DAPK1: variants seen among roughly 807,000 people sequenced by gnomAD.
The protein encoded by DAPK1 is death associated protein kinase 1, also known as death-associated protein kinase 1.
In DAPK1, 56 loss-of-function variants were observed where a neutral mutation model predicts 144.9. The observed-to-expected ratio is 0.39, with a 90% confidence interval of 0.31 to 0.48. DAPK1 has a LOEUF of 0.48. Ranked by LOEUF, DAPK1 falls within the 20% of genes least tolerant of loss-of-function variation. DAPK1 has a pLI of 0.95. For missense variants in DAPK1, 1,454 were observed against 1,875.4 expected (o/e 0.78, Z 4.15); for synonymous variants, 690 against 749.0 (o/e 0.92, Z 1.29).
chr9:87,606,541 C>CCTCCCTCT (rs1390689653), intron 3 of DAPK1, among the ~76,000 whole-genome samples: 7 of 111,044 alleles, frequency 6.3e-5, no homozygotes, highest in Admixed American at 6.0e-4. Context: ...TTCCCCCCTC[C>CCTCCCTCT]CTCCCTCTCT....
chr9:87,543,692 T>C (rs1376855191), intron 2 of DAPK1, among the ~76,000 whole-genome samples: 1 of 152,240 alleles, frequency 6.6e-6, no homozygotes, highest in Non-Finnish European at 1.5e-5. Context: ...AAGACTCACT[T>C]TTTAAATATC....
At position 87,520,751 on chromosome 9, in the gene DAPK1, T is replaced by G. The variant is rs36229593; in HGVS notation, c.62+21612T>G. ...TCAATGCACTGGTGAATTGAAATGTTTGTGTGTGTATACATACATACCTGT... is the reference window on the plus strand; with the variant it reads ...TCAATGCACTGGTGAATTGAAATGTGTGTGTGTGTATACATACATACCTGT... On this transcript the variant is annotated intron_variant, in intron 2 of 25. Coordinates refer to ENST00000408954, the MANE Select transcript of DAPK1 (RefSeq NM_004938.4). Among the ~76,000 whole-genome samples, 816 of 152,322 alleles carry G rather than the reference T, an allele frequency of 5.4e-3. 11 individuals carry two copies. Among genetic ancestry groups the G allele is most frequent in the African/African-American group, 0.019 (778 of 41,580 alleles).
At chr9:87,649,411 A>G (rs3118873) in intron 15 of DAPK1, among the ~76,000 whole-genome samples, 58,489 of 152,094 alleles carry the variant, frequency 0.38, 13,002 homozygotes, top group East Asian at 0.61. Flanking sequence ...CTTCTTGCCA[A>G]AGCAACAATA....
chr9:87,697,120 G>A lies in DAPK1; in HGVS notation c.2527G>A (p.Glu843Lys), dbSNP rs770574302. 6.4e-7 allele frequency: 1 copy of A among 1,565,628 alleles called. No individual in the cohort carries two copies. Among genetic ancestry groups the A allele is most frequent in the African/African-American group, 1.4e-5 (1 of 74,032 alleles). Residue 843 changes from glutamate (E) to lysine (K), a missense_variant, in exon 22 of 26, where the codon GAA (glutamate) becomes AAA (lysine). Physicochemically the swap from Glu to Lys is moderately conservative, Grantham distance 56 (BLOSUM62 1). Transcript: ENST00000408954. Reference sequence around the variant, plus strand: ...AATCCATGTTGTTGTCTTTAGTCTAGAAGAGCCCTATGAGATCCAGCTGAA... The same window carrying A: ...AATCCATGTTGTTGTCTTTAGTCTAAAAGAGCCCTATGAGATCCAGCTGAA... ...TSIHVVVFSLEEPYEIQLNQV... is the reference protein window; with the variant it reads ...TSIHVVVFSLKEPYEIQLNQV...
intron 3 of DAPK1, among the ~76,000 whole-genome samples, chr9:87,635,690 A>G (rs563145645): frequency 6.8e-4 from 103 of 152,098 alleles, no homozygotes; most frequent in Non-Finnish European, 2.8e-4. Context: ...CCAGTTACAC[A>G]TGTCTATTAC....
chr9:87,643,253 C>G (rs1278911214), intron 10 of DAPK1, 123 bp from the exon 11 acceptor site: 17 of 605,292 alleles, frequency 2.8e-5, no homozygotes, highest in Non-Finnish European at 4.6e-5. Context: ...GCAATGAACA[C>G]GATCTCGCAG....
rs1460892359 is a variant in DAPK1, at chr9:87,498,087, G to C, written c.-129G>C. ...CTCCGACAGCGCTCCGGAGGGACCG[G>C]GGGAGCTCCCAGGCGCCCGGGTGAG... On this transcript the variant is annotated 5_prime_UTR_variant, in exon 1 of 26. Transcript: ENST00000408954. 1 of 397,608 alleles carries C rather than the reference G, an allele frequency of 2.5e-6. No homozygotes were observed. Among genetic ancestry groups the C allele is most frequent in the African/African-American group, 2.1e-5 (1 of 48,604 alleles). 24.6% of individuals were successfully genotyped at this position (397,608 alleles called of 1,614,324 possible). A position where few individuals can be genotyped will look rare whatever the true frequency, so the allele number is the denominator to read the frequency against.
intron 24 of DAPK1, chr9:87,701,836 A>C (rs57634888): frequency 0.02 from 9,369 of 468,938 alleles, 608 homozygotes; most frequent in African/African-American, 0.15. Flanking sequence ...CTGTCTCCAG[A>C]AAACCCTGCC....
chr9:87,681,373 C>G (rs768902899), intron 19 of DAPK1, 31 bp from the exon 20 acceptor site: 23 of 1,182,710 alleles, frequency 1.9e-5, no homozygotes, highest in Non-Finnish European at 2.9e-5. Context: ...CTTTTTCTGT[C>G]ACTCACTGGC....
intron 2 of DAPK1, chr9:87,507,098 C>G (rs1362326540): frequency 6.6e-6 from 1 of 152,186 alleles, no homozygotes; most frequent in African/African-American, 2.4e-5. Context: ...CAAGCGTGGT[C>G]CAATAGTGAC....
intron 3 of DAPK1, among the ~76,000 whole-genome samples, chr9:87,622,844 G>A (rs1829348979): frequency 6.6e-6 from 1 of 152,044 alleles, no homozygotes; most frequent in Non-Finnish European, 1.5e-5. Context: ...CCGGGAGGTG[G>A]CGGTTGCAGT....
At position 87,676,623 on chromosome 9, in the gene DAPK1, A is replaced by C. The variant is rs565926272; in HGVS notation, c.2002-4781A>C. On this transcript the variant is annotated intron_variant, in intron 19 of 25. Transcript: ENST00000408954. ...GAATTCTGTAAGTCTAGATCAGCGC[A>C]GTTTCCTGGCCTCTCTTCCCAAAGA... Among the ~76,000 whole-genome samples, 62 of 152,342 alleles carry C rather than the reference A, an allele frequency of 4.1e-4. No homozygotes were observed. The South Asian group carries it at 0.013, about 32-fold the overall frequency.
At chr9:87,675,901 A>G (rs3118850) in intron 19 of DAPK1, among the ~76,000 whole-genome samples, 99,239 of 147,224 alleles carry the variant, frequency 0.67, 36,482 homozygotes, top group South Asian at 0.8. Context: ...ACACACCCTT[A>G]TGACCACCTG....
chr9:87,683,439 G>C (rs1824716832), intron 20 of DAPK1, among the ~76,000 whole-genome samples: 1 of 152,288 alleles, frequency 6.6e-6, no homozygotes, highest in South Asian at 2.1e-4. Context: ...CTCCCTTAGA[G>C]GGAGGCAGCA....
chr9:87,607,955 A>T (rs559390516), intron 3 of DAPK1, among the ~76,000 whole-genome samples: 1 of 152,276 alleles, frequency 6.6e-6, no homozygotes, highest in African/African-American at 2.4e-5. Flanking sequence ...AGGCCTCAGG[A>T]AACTTACAAT....
At chr9:87,617,550 C>G (rs1438931161) in intron 3 of DAPK1, among the ~76,000 whole-genome samples, 7 of 152,192 alleles carry the variant, frequency 4.6e-5, no homozygotes, top group Non-Finnish European at 8.8e-5. Flanking sequence ...TCTCATTCCC[C>G]CTTCAGATCA....
intron 2 of DAPK1, among the ~76,000 whole-genome samples, chr9:87,584,807 G>A (rs897318353): frequency 6.6e-6 from 1 of 152,108 alleles, no homozygotes; most frequent in African/African-American, 2.4e-5. Flanking sequence ...CTCCTGAGTG[G>A]CTAGGACTAC....
At chr9:87,515,521 G>A (rs1292689952) in intron 2 of DAPK1, among the ~76,000 whole-genome samples, 1 of 152,112 alleles carries the variant, frequency 6.6e-6, no homozygotes, top group African/African-American at 2.4e-5. Flanking sequence ...CTTGTTTTGG[G>A]GGCACTGGGG....
intron 19 of DAPK1, among the ~76,000 whole-genome samples, chr9:87,672,345 G>T (rs1824200923): frequency 6.6e-6 from 1 of 152,158 alleles, no homozygotes; most frequent in East Asian, 1.9e-4. Flanking sequence ...AGGAAACCTG[G>T]ATTCAAAGAG....
Sources: allele counts gnomAD v4.1 joint callset (sites outside exome capture counted in the v4.1 genomes callset), GRCh38; gene constraint gnomAD v4.1.1; transcripts MANE v1.5; gene names NCBI Gene and HGNC (gene_info 2026-07-23, HGNC 2026-07-21).